The following XPO1 variants were observed in gnomAD, a reference collection of about 807,000 sequenced individuals.
XPO1 encodes exportin 1, also known as exportin-1.
A neutral mutation model predicts 133.3 loss-of-function variants in XPO1; 5 were observed. The observed-to-expected ratio is 0.04, with a 90% CI of 0.02 to 0.08. The LOEUF (loss-of-function observed/expected upper bound fraction) is 0.08. Among genes scored for constraint, XPO1 ranks in the 10% least tolerant of loss-of-function variants. XPO1 has a pLI of 1.00. For missense variants in XPO1, 506 were observed against 1,267.5 expected (o/e 0.40, Z 9.12); for synonymous variants, 419 against 408.2 (o/e 1.03, Z -0.32).
chr2:61,506,198 A>C (rs571838646), intron 4 of XPO1, among the ~76,000 whole-genome samples: 2 of 152,330 alleles, frequency 1.3e-5, no homozygotes, highest in South Asian at 4.1e-4. Context: ...AGGCAGGCAG[A>C]TCACTTGAGG....
intron 4 of XPO1, among the ~76,000 whole-genome samples, chr2:61,504,613 C>T (rs1034109845): frequency 6.6e-6 from 1 of 152,006 alleles, no homozygotes; most frequent in Non-Finnish European, 1.5e-5. Context: ...CCTCATCTGG[C>T]ATATATAGAA....
rs200053457 is a variant in XPO1, at chr2:61,502,313, A to G, written c.302-3T>C. The G allele has an allele frequency of 9.6e-5, 155 of 1,610,194 alleles. No homozygotes were observed. The African/African-American group carries it at 1.9e-3, about 20-fold the overall frequency. ...GCCAACAACGTATTTTTTTATTCCTATTAAAAAAATTGCACGTAATAAAAA... is the reference window on the plus strand; with the variant it reads ...GCCAACAACGTATTTTTTTATTCCTGTTAAAAAAATTGCACGTAATAAAAA... On this transcript the variant is annotated splice_region_variant and splice_polypyrimidine_tract_variant and intron_variant, in intron 4 of 24. Coordinates refer to ENST00000401558, the MANE Select transcript of XPO1 (RefSeq NM_003400.4).
chr2:61,477,877 T>TA lies in XPO1; in HGVS notation c.*942dup, dbSNP rs746159630. 18 of 201,902 alleles carry TA rather than the reference T, an allele frequency of 8.9e-5. No individual in the cohort carries two copies. The highest frequency in any genetic ancestry group is 1.6e-4 in the Non-Finnish European group (16 of 97,868). 12.5% of individuals were successfully genotyped at this position (201,902 alleles called of 1,614,324 possible). On this transcript the variant is annotated 3_prime_UTR_variant, in exon 25 of 25. Coordinates refer to ENST00000401558, the MANE Select transcript of XPO1 (RefSeq NM_003400.4). The stretch of plus-strand genomic sequence containing the variant: ...TTCATTTAAAATGTTACTTGATGCT[T>TA]AAACACAAATACCCACTATCATTAA...
At chr2:61,495,708 T>C in intron 10 of XPO1, 95 bp from the exon 11 acceptor site, 1 of 1,295,804 alleles carries the variant, frequency 7.7e-7, no homozygotes. Context: ...AAGGTATCAC[T>C]CTGTCCAGGC....
chr2:61,486,659 G>T (rs777852146), intron 19 of XPO1, among the ~76,000 whole-genome samples: 1 of 152,026 alleles, frequency 6.6e-6, no homozygotes, highest in African/African-American at 2.4e-5. Context: ...GTGTTTCACC[G>T]TGTTAGCCAG....
intron 7 of XPO1, among the ~76,000 whole-genome samples, chr2:61,499,149 A>T (rs1317203297): frequency 2.6e-5 from 4 of 152,236 alleles, no homozygotes. Context: ...GTATAACTAT[A>T]GTTTATACCA....
rs1350216092 is a variant in XPO1, at chr2:61,494,309, A to G, written c.1048-218T>C. 5 of 453,790 alleles carry G rather than the reference A, an allele frequency of 1.1e-5. No individual in the cohort carries two copies. In the East Asian group the frequency reaches 2.0e-4, roughly 18 times the overall value. The allele number at this position is 453,790 out of a possible 1,614,324, so 28.1% of individuals were successfully genotyped here. A position where few individuals can be genotyped will look rare whatever the true frequency, so the allele number is the denominator to read the frequency against. On this transcript the variant is annotated intron_variant, in intron 11 of 24. Coordinates refer to ENST00000401558, the MANE Select transcript of XPO1 (RefSeq NM_003400.4). ...AAAATCTCTCACATAGTAGTTGATC[A>G]ATATGTATTTTTATCATGTCTCCTA...
At chr2:61,528,331 T>G (rs1412026208) in intron 2 of XPO1, among the ~76,000 whole-genome samples, 1 of 152,114 alleles carries the variant, frequency 6.6e-6, no homozygotes, top group Non-Finnish European at 1.5e-5. Flanking sequence ...TTTATGTTAA[T>G]AGTATACTTA....
rs1447130097 is a variant in XPO1, at chr2:61,494,079, T to A, written c.1060A>T (p.Met354Leu). Residue 354 changes from methionine to leucine, a missense_variant, in exon 12 of 25, where the codon ATG becomes TTG. By Grantham distance (15) the Met-to-Leu change is conservative. Coordinates refer to ENST00000401558, the MANE Select transcript of XPO1 (RefSeq NM_003400.4). ...TCTTCTACTTCAGATACCAACAACA[T>A]ATAATGAAGGGCCTACACAGAAGAC... ...RETLMEALHY[M>L]LLVSEVEETE... 1 of 1,613,500 alleles carries A rather than the reference T, an allele frequency of 6.2e-7. No homozygotes were observed. Among genetic ancestry groups the A allele is most frequent in the Non-Finnish European group, 8.5e-7 (1 of 1,179,902 alleles).
chr2:61,506,624 T>A (rs1697831648), intron 4 of XPO1, among the ~76,000 whole-genome samples: 3 of 128,558 alleles, frequency 2.3e-5, no homozygotes, highest in South Asian at 2.5e-4. Context: ...AATCCAATGT[T>A]AAACTGCACT....
In XPO1 at chr2:61,525,910, A is replaced by T. The variant is rs1698888369; in HGVS notation, c.228+510T>A. On this transcript the variant is annotated intron_variant, in intron 3 of 24. Transcript: ENST00000401558. ...AATCATCAAGCCTAAAACAGACAAAACACATTTTGATCAACCCTTCTGTTC... is the reference window on the plus strand; with the variant it reads ...AATCATCAAGCCTAAAACAGACAAATCACATTTTGATCAACCCTTCTGTTC... 8.6e-6 allele frequency: 9 copies of T among 1,048,920 alleles called. No individual in the cohort carries two copies. The South Asian group carries it at 3.7e-4, about 43-fold the overall frequency. The allele number at this position is 1,048,920 out of a possible 1,614,324, so 65.0% of individuals were successfully genotyped here. A position where few individuals can be genotyped will look rare whatever the true frequency, so the allele number is the denominator to read the frequency against.
rs1051821670 is a variant in XPO1, at chr2:61,498,905, T to C, written c.599A>G (p.Asn200Ser). Reference sequence around the variant, plus strand: ...CAGTTGAAATATCTGTGAGAATTCATTGCACATGCTAAAAAAAAAAACACA... The same window carrying C: ...CAGTTGAAATATCTGTGAGAATTCACTGCACATGCTAAAAAAAAAAACACA... ...KSKHLKDSMC[N>S]EFSQIFQLCQ... The change falls in exon 8 of 25, where the codon AAT becomes AGT. Residue 200 changes from asparagine (N) to serine (S), a missense_variant. Around this residue, in one of 6 missense-constraint regions of XPO1, gnomAD observed 134 missense variants for 261.6 expected, o/e 0.51. Transcript: ENST00000401558. 8 of 1,586,908 alleles carry C rather than the reference T, an allele frequency of 5.0e-6. No homozygotes were observed. Among genetic ancestry groups the C allele is most frequent in the African/African-American group, 2.7e-5 (2 of 73,464 alleles).
rs1276007876 is a variant in XPO1 at position 61,483,706 on chromosome 2, C to T, written c.2677+231G>A. ...CACTACCCAGTAGAACTTTGTATTA[C>T]GCAAACCAATTATTACTAGGCCGCT... On this transcript the variant is annotated intron_variant, in intron 21 of 24. Coordinates refer to ENST00000401558, the MANE Select transcript of XPO1 (RefSeq NM_003400.4). 11 of 454,966 alleles carry T rather than the reference C, an allele frequency of 2.4e-5. No homozygotes were observed. The East Asian group carries it at 4.3e-4, about 18-fold the overall frequency. 28.2% of individuals were successfully genotyped at this position (454,966 alleles called of 1,614,324 possible).
intron 2 of XPO1, among the ~76,000 whole-genome samples, chr2:61,527,641 A>T (rs1013313281): frequency 2.3e-4 from 35 of 152,206 alleles, no homozygotes; most frequent in African/African-American, 7.5e-4. Flanking sequence ...CACAAATCCC[A>T]AATACTTACA....
At chr2:61,532,146 G>C (rs901688712) in intron 2 of XPO1, among the ~76,000 whole-genome samples, 2 of 151,492 alleles carry the variant, frequency 1.3e-5, no homozygotes, top group African/African-American at 4.9e-5. Flanking sequence ...TTTTATTTTT[G>C]AGACGAAGTC....
chr2:61,519,914 A>C (rs1475682166), intron 4 of XPO1, among the ~76,000 whole-genome samples: 1 of 152,108 alleles, frequency 6.6e-6, no homozygotes, highest in African/African-American at 2.4e-5. Flanking sequence ...CCGGACTTAG[A>C]CATCATTCTG....
intron 4 of XPO1, among the ~76,000 whole-genome samples, chr2:61,519,493 C>A (rs990956226): frequency 1.3e-5 from 2 of 149,324 alleles, no homozygotes; most frequent in Admixed American, 1.3e-4. Context: ...GTCAGGAAAT[C>A]GAGACCTTCC....
Position 61,492,326 on chromosome 2 carries a change from A to G in XPO1, c.1722T>C (p.His574=). 1 of 1,587,172 alleles carries G rather than the reference A, an allele frequency of 6.3e-7. No individual in the cohort carries two copies. Among genetic ancestry groups the G allele is most frequent in the South Asian group, 1.2e-5 (1 of 85,548 alleles). ...AATATAGTAAAGAAAGAGATTTACC[A>G]TGCATGAATTCGAACAGCTTGTTAA... The part of the protein sequence containing the change: ...TVVNKLFEFM[H]ETHDGVQDMA... The change falls in exon 15 of 25, where the codon CAT becomes CAC. Residue 574 remains histidine (H), a splice_region_variant and synonymous_variant. Coordinates refer to ENST00000401558, the MANE Select transcript of XPO1 (RefSeq NM_003400.4). This position sits in a 1 kb window ranked among gnomAD's most constrained non-coding sequence, Gnocchi z 5.6.
chr2:61,538,232 G>A lies in XPO1; in HGVS notation c.-677C>T. The A allele has an allele frequency of 1.8e-5, 3 of 170,540 alleles. No individual in the cohort carries two copies. The highest frequency in any genetic ancestry group is 2.5e-5 in the Non-Finnish European group (2 of 79,514). The allele number at this position is 170,540 out of a possible 1,614,324, so 10.6% of individuals were successfully genotyped here. On this transcript the variant is annotated 5_prime_UTR_variant, in exon 1 of 25. Transcript: ENST00000401558. ...AGCTCCCGCTGCTCCTGCCGCGGCC[G>A]CTGCAGCCGCTTCTCCCCCTCCTCC...
Sources: gnomAD v4.1 joint callset for allele counts (sites outside exome capture counted in the v4.1 genomes callset) on GRCh38, gnomAD v4.1.1 for gene constraint, gnomAD v4.1.1 regional missense constraint, Gnocchi (gnomAD v3.1) non-coding constraint, MANE v1.5 for transcripts, NCBI Gene and HGNC (gene_info 2026-07-23, HGNC 2026-07-21) for gene names.